RNF213: variants seen among roughly 807,000 people sequenced by gnomAD.
RNF213 encodes ring finger protein 213, also known as E3 ubiquitin-protein ligase RNF213.
In RNF213, 341 loss-of-function variants were observed where a neutral mutation model predicts 514.4. The observed-to-expected ratio is 0.66, with a 90% CI of 0.61 to 0.73. The LOEUF (loss-of-function observed/expected upper bound fraction) is 0.73. RNF213 is among the 30% of genes least tolerant of loss of function. The probability of loss-of-function intolerance (pLI) is 0.00; values close to 1 mark genes in which losing one functional copy is unlikely to be tolerated. For missense variants in RNF213, 5,767 were observed against 6,615.6 expected, an observed-to-expected ratio of 0.87 and a Z score of 4.45; for synonymous variants, 2,655 against 2,658.2, an observed-to-expected ratio of 1.00 and a Z score of 0.04.
chr17:80,388,237 A>C (rs1370248501), intron 63 of RNF213, among the ~76,000 whole-genome samples: 2 of 152,136 alleles, frequency 1.3e-5, no homozygotes, highest in African/African-American at 4.8e-5. Flanking sequence ...GGCTGTTTTT[A>C]ATTCATTCTC....
chr17:80,319,167 C>T, intron 16 of RNF213, 23 bp from the exon 17 acceptor site: 1 of 1,614,154 alleles, frequency 6.2e-7, no homozygotes, highest in Non-Finnish European at 8.5e-7. Flanking sequence ...AGCTCTGAAA[C>T]CACCCCCCTT....
chr17:80,287,089 G>A (rs1188126089), intron 3 of RNF213, among the ~76,000 whole-genome samples: 2 of 152,196 alleles, frequency 1.3e-5, no homozygotes, highest in South Asian at 2.1e-4. Context: ...GGCCAGGCAC[G>A]GTGGCTCACG....
intron 11 of RNF213, among the ~76,000 whole-genome samples, chr17:80,298,926 C>G (rs552677395): frequency 2.6e-5 from 4 of 152,076 alleles, no homozygotes; most frequent in African/African-American, 7.2e-5. Context: ...TTGCAGTGAG[C>G]TGGGATCATG....
rs750109133 is a variant in RNF213, at chr17:80,376,374, C to T, written c.13259C>T (p.Thr4420Ile). 39 of 1,614,244 alleles carry T rather than the reference C, an allele frequency of 2.4e-5. No homozygotes were observed. The highest frequency in any genetic ancestry group is 3.1e-5 in the Non-Finnish European group (36 of 1,180,044). Reference sequence around the variant, plus strand: ...CCTCCTGATATCAGCCGTTTTGCAACATCGCTCGTGGACAATTCTGTGCCA... The same window carrying T: ...CCTCCTGATATCAGCCGTTTTGCAATATCGCTCGTGGACAATTCTGTGCCA... Reference protein sequence around the residue: ...LSPPDISRFATSLVDNSVPLL... With the variant: ...LSPPDISRFAISLVDNSVPLL... The change falls in exon 52 of 68, where the codon ACA (threonine) becomes ATA (isoleucine). Residue 4420 changes from threonine to isoleucine, a missense_variant. Coordinates refer to ENST00000582970, the MANE Select transcript of RNF213 (RefSeq NM_001256071.3).
chr17:80,382,788 A>T, intron 57 of RNF213, 191 bp from the exon 58 acceptor site: 2 of 550,778 alleles, frequency 3.6e-6, no homozygotes, highest in Non-Finnish European at 6.6e-6. Context: ...TTAGAGATTG[A>T]TGTTATCTTC....
At chr17:80,328,534 A>G (rs746443738) in intron 20 of RNF213, 57 bp downstream of exon 20, 36 of 1,514,462 alleles carry the variant, frequency 2.4e-5, no homozygotes, top group Non-Finnish European at 3.0e-5. Context: ...AGAGGAGAAC[A>G]CAGTAAGAAT....
At chr17:80,354,854 T>C (rs1382871670) in intron 36 of RNF213, 3 of 477,422 alleles carry the variant, frequency 6.3e-6, no homozygotes, top group Admixed American at 6.7e-5. Context: ...GAGTAGAACA[T>C]TTACCGACAT....
chr17:80,311,370 C>G (rs1297991515), intron 14 of RNF213, among the ~76,000 whole-genome samples: 1 of 152,150 alleles, frequency 6.6e-6, no homozygotes, highest in Non-Finnish European at 1.5e-5. Context: ...TCTGAGCGGT[C>G]ATTCAGTTTG....
intron 1 of RNF213, among the ~76,000 whole-genome samples, chr17:80,261,795 G>A (rs2145055302): frequency 6.6e-6 from 1 of 152,010 alleles, no homozygotes; most frequent in African/African-American, 2.4e-5. Flanking sequence ...AAGGCGGGTG[G>A]GTCACCTGAG....
In RNF213 at chr17:80,345,697, A is replaced by G; in HGVS notation, c.7362A>G (p.Gly2454=). The stretch of plus-strand genomic sequence containing the variant: ...TAAAGCTGGTCAAGGTGCACGGAGG[A>G]ACAACTGCAGACATGATCTACTCCA... ...DTIKLVKVHG[G]TTADMIYSRV... Residue 2454 remains glycine, a synonymous_variant, in exon 29 of 68, where the codon GGA becomes GGG. Coordinates refer to ENST00000582970, the MANE Select transcript of RNF213 (RefSeq NM_001256071.3). The surrounding 1 kb of genome is among the most constrained non-coding windows in gnomAD (Gnocchi z 6.0). The G allele has an allele frequency of 6.2e-7, 1 of 1,614,222 alleles. No homozygotes were observed.
chr17:80,366,317 T>C (rs192703243), intron 42 of RNF213, among the ~76,000 whole-genome samples: 54 of 152,284 alleles, frequency 3.5e-4, no homozygotes, highest in Admixed American at 3.5e-3. Flanking sequence ...GCAGAGGCAC[T>C]GTATTGTTTT....
chr17:80,290,457 G>A (rs1454552410), intron 6 of RNF213, 113 bp from the exon 7 acceptor site: 14 of 1,284,254 alleles, frequency 1.1e-5, no homozygotes, highest in Non-Finnish European at 1.3e-5. Flanking sequence ...GTGTGCGAGT[G>A]CATGTGTGTG....
chr17:80,351,598 G>A lies in RNF213; in HGVS notation c.10185-87G>A, dbSNP rs1599090226. ...ACAGCTCGGAGAACACCCTTCTGCA[G>A]CTGCACAGCTTTGCTTTGTTTATTT... On this transcript the variant is annotated intron_variant, in intron 31 of 67. Coordinates refer to ENST00000582970, the MANE Select transcript of RNF213 (RefSeq NM_001256071.3). The A allele has an allele frequency of 1.3e-5, 10 of 769,008 alleles. No individual in the cohort carries two copies. The East Asian group carries it at 2.4e-4, about 19-fold the overall frequency. 47.6% of individuals were successfully genotyped at this position (769,008 alleles called of 1,614,324 possible).
intron 61 of RNF213, 124 bp downstream of exon 61, chr17:80,385,745 T>A: frequency 1.2e-6 from 1 of 833,450 alleles, no homozygotes; most frequent in Non-Finnish European, 2.0e-6. Context: ...GTTTTTGAGA[T>A]GGAGTCTTGC....
Position 80,379,614 on chromosome 17 carries a change from C to G in RNF213, c.13546-6C>G, listed in dbSNP as rs1448295260. 1.9e-6 allele frequency: 3 copies of G among 1,613,732 alleles called. No individual in the cohort carries two copies. The highest frequency in any genetic ancestry group is 1.3e-5 in the African/African-American group (1 of 74,914). On this transcript the variant is annotated splice_polypyrimidine_tract_variant and splice_region_variant and intron_variant, in intron 54 of 67. Coordinates refer to ENST00000582970, the MANE Select transcript of RNF213 (RefSeq NM_001256071.3). ...AAGTGGTTCTAGTGCCCTGTCTTCA[C>G]CCTAGTGTGGCAGGCCGATGGAACA...
At chr17:80,389,431 G>A in intron 65 of RNF213, 64 bp downstream of exon 65, 1 of 1,465,138 alleles carries the variant, frequency 6.8e-7, no homozygotes, top group Non-Finnish European at 9.5e-7. Context: ...CTTCCCGCGA[G>A]GGATAGGAGC....
At chr17:80,278,250 G>A (rs73444311) in intron 3 of RNF213, among the ~76,000 whole-genome samples, 1,763 of 152,328 alleles carry the variant, frequency 0.012, 27 homozygotes, top group African/African-American at 0.041. Flanking sequence ...GCCCGGTGTG[G>A]TGTGGAAGGG....
intron 18 of RNF213, among the ~76,000 whole-genome samples, chr17:80,326,251 A>T (rs889012137): frequency 6.6e-5 from 10 of 152,148 alleles, no homozygotes; most frequent in African/African-American, 2.2e-4. Flanking sequence ...CAGCCTCCCA[A>T]GTGGCTGGCA....
chr17:80,280,160 C>T lies in RNF213; in HGVS notation c.261+6756C>T, dbSNP rs188539160. ...CTGGGAAATGCAGGCAGCGTCCACA[C>T]GGGGCTGGACTTAGCCAGACCTAAG... is the stretch of plus-strand genomic sequence containing the variant. On this transcript the variant is annotated intron_variant, in intron 3 of 67. Coordinates refer to ENST00000582970, the MANE Select transcript of RNF213 (RefSeq NM_001256071.3). Among the ~76,000 whole-genome samples the T allele has an allele frequency of 1.1e-4, 17 of 152,346 alleles. No individual in the cohort carries two copies. The East Asian group carries it at 1.2e-3, about 10-fold the overall frequency.
Sources: allele counts gnomAD v4.1 joint callset (sites outside exome capture counted in the v4.1 genomes callset), GRCh38; gene constraint gnomAD v4.1.1; non-coding constraint Gnocchi (gnomAD v3.1); transcripts MANE v1.5; gene names NCBI Gene and HGNC (gene_info 2026-07-23, HGNC 2026-07-21).